EXOC6: variants seen among roughly 807,000 people sequenced by gnomAD.
EXOC6 encodes SEC15-like 1.
A neutral mutation model predicts 112.5 loss-of-function variants in EXOC6; 60 were observed. The ratio of observed to expected loss-of-function variants is 0.53; its 90% CI spans 0.43 to 0.66. The LOEUF (loss-of-function observed/expected upper bound fraction) is 0.66. EXOC6 is among the 30% of genes least tolerant of loss of function. The pLI, the probability that EXOC6 is intolerant of heterozygous loss-of-function variation, is 0.00. For synonymous variants in EXOC6, 295 were observed against 308.0 expected (o/e 0.96, Z 0.44); for missense variants, 855 against 957.1 (o/e 0.89, Z 1.41).
At chr10:92,919,938 A>C in intron 7 of EXOC6, 44 bp from the exon 8 acceptor site, 2 of 1,228,522 alleles carry the variant, frequency 1.6e-6, no homozygotes, top group Non-Finnish European at 2.3e-6. Context: ...ATGGTGGTCT[A>C]ATAGTTTGAC....
At chr10:92,833,923 C>T (rs74418222), upstream of EXOC6, among the ~76,000 whole-genome samples, 1,525 of 151,996 alleles carry the variant, frequency 0.01, 29 homozygotes, top group African/African-American at 0.035. Context: ...TTCTTCCTCT[C>T]GGTGGCAGCT....
At chr10:92,831,659 T>G (rs1846485929), upstream of EXOC6, among the ~76,000 whole-genome samples, 1 of 152,150 alleles carries the variant, frequency 6.6e-6, no homozygotes, top group Non-Finnish European at 1.5e-5. Flanking sequence ...GGTCTTCAAC[T>G]CCTGACCTCA....
At chr10:93,053,347 GT>G (rs1846392243) in intron 20 of EXOC6, among the ~76,000 whole-genome samples, 1 of 152,188 alleles carries the variant, frequency 6.6e-6, no homozygotes, top group Non-Finnish European at 1.5e-5. Context: ...TAAAGTCCTG[GT>G]TTTTTGTTTT....
At chr10:92,987,180 G>T (rs1157892403) in intron 18 of EXOC6, among the ~76,000 whole-genome samples, 1 of 152,108 alleles carries the variant, frequency 6.6e-6, no homozygotes, top group African/African-American at 2.4e-5. Flanking sequence ...TCCAGTGCTT[G>T]GCCCTAGACC....
At chr10:92,997,674 G>GA in intron 19 of EXOC6, 59 bp downstream of exon 19, 2 of 1,451,014 alleles carry the variant, frequency 1.4e-6, no homozygotes, top group Admixed American at 2.1e-5. Context: ...TAAATTATAT[G>GA]AAAAAATGTA....
intron 20 of EXOC6, among the ~76,000 whole-genome samples, chr10:93,033,109 G>A (rs1032428585): frequency 6.6e-6 from 1 of 152,108 alleles, no homozygotes; most frequent in Admixed American, 6.6e-5. Flanking sequence ...TGGATCATAG[G>A]TATGATGGGA....
At chr10:92,849,891 A>C (rs868002459) in intron 1 of EXOC6, among the ~76,000 whole-genome samples, 3 of 152,154 alleles carry the variant, frequency 2.0e-5, no homozygotes, top group Non-Finnish European at 4.4e-5. Context: ...GACCTTGCCT[A>C]TTTGTTCACT....
intron 9 of EXOC6, among the ~76,000 whole-genome samples, chr10:92,930,289 G>A (rs1851954418): frequency 6.6e-6 from 1 of 151,620 alleles, no homozygotes; most frequent in African/African-American, 2.4e-5. Flanking sequence ...GATCACCTAA[G>A]GTCAGGAGTT....
At chr10:92,903,775 A>T (rs1850300597) in intron 5 of EXOC6, among the ~76,000 whole-genome samples, 1 of 152,012 alleles carries the variant, frequency 6.6e-6, no homozygotes, top group Non-Finnish European at 1.5e-5. Context: ...TGGTACATTT[A>T]CTTTAACTGA....
At chr10:93,001,617 A>G (rs983518618) in intron 19 of EXOC6, among the ~76,000 whole-genome samples, 4 of 152,216 alleles carry the variant, frequency 2.6e-5, no homozygotes, top group Admixed American at 1.3e-4. Context: ...CTATTTTCCC[A>G]TCTGGACTTG....
Position 92,869,309 on chromosome 10 carries a change from T to TA in EXOC6, c.101+20675_101+20676insA, listed in dbSNP as rs1848326499. Among the ~76,000 whole-genome samples, 51 of 146,726 alleles carry TA rather than the reference T, an allele frequency of 3.5e-4. No homozygotes were observed. In the South Asian group the frequency reaches 7.8e-3, roughly 22 times the overall value. ...GAGCCACCATGGCAGGCCCTTTCTT[T>TA]TAAAAAAAAAAAAAAATGAGACAGG... On this transcript the variant is annotated intron_variant, in intron 1 of 21. Transcript: ENST00000260762.
At chr10:92,996,977 T>G (rs835242) in intron 18 of EXOC6, among the ~76,000 whole-genome samples, 2 of 152,150 alleles carry the variant, frequency 1.3e-5, no homozygotes, top group Admixed American at 6.5e-5. Context: ...TAAGGACTTA[T>G]GATTCAAAGG....
intron 12 of EXOC6, among the ~76,000 whole-genome samples, chr10:92,938,162 A>C (rs903154838): frequency 7.9e-5 from 12 of 152,142 alleles, no homozygotes; most frequent in African/African-American, 2.2e-4. Flanking sequence ...TTCTCCAGAG[A>C]ATCAAAGAAA....
At chr10:92,907,325 C>T (rs148131442) in intron 5 of EXOC6, among the ~76,000 whole-genome samples, 2 of 152,270 alleles carry the variant, frequency 1.3e-5, no homozygotes, top group Non-Finnish European at 2.9e-5. Flanking sequence ...GAGAACTTAT[C>T]TCTGACTTGC....
At chr10:92,896,173 ATATATATATTTT>A (rs1849795217) in intron 4 of EXOC6, among the ~76,000 whole-genome samples, 5 of 23,808 alleles carry the variant, frequency 2.1e-4, no homozygotes, top group African/African-American at 3.8e-4. Flanking sequence ...ATATATATAT[ATATATATATTTT>A]TTTTTTTTTT....
intron 17 of EXOC6, among the ~76,000 whole-genome samples, chr10:92,968,175 GT>G (rs1842143083): frequency 8.4e-6 from 1 of 119,226 alleles, no homozygotes; most frequent in African/African-American, 3.2e-5. Context: ...ACTGGTTAGT[GT>G]TTCACCTTTT....
chr10:92,934,872 A>C (rs1852261258), intron 11 of EXOC6, among the ~76,000 whole-genome samples: 2 of 152,108 alleles, frequency 1.3e-5, no homozygotes, highest in Admixed American at 1.3e-4. Context: ...TCAAAATTTG[A>C]AATATTGAAC....
chr10:92,881,822 C>T (rs989732598), intron 1 of EXOC6, among the ~76,000 whole-genome samples: 7 of 152,118 alleles, frequency 4.6e-5, no homozygotes, highest in South Asian at 4.1e-4. Context: ...TAAGTTCTCA[C>T]GAGATCTGAT....
chr10:93,008,913 A>G (rs1014151601), intron 19 of EXOC6, among the ~76,000 whole-genome samples: 8 of 152,354 alleles, frequency 5.3e-5, no homozygotes, highest in African/African-American at 1.9e-4. Flanking sequence ...TTAAATAAAT[A>G]CATATGGCTA....
Sources: gnomAD v4.1 joint callset for allele counts (sites outside exome capture counted in the v4.1 genomes callset) on GRCh38, gnomAD v4.1.1 for gene constraint, MANE v1.5 for transcripts, NCBI Gene and HGNC (gene_info 2026-07-23, HGNC 2026-07-21) for gene names.